The following ATE1 variants were observed in gnomAD, a reference collection of about 807,000 sequenced individuals.
ATE1 encodes arginyl-tRNA--protein transferase 1.
ATE1 carries 36 observed loss-of-function variants against 70.5 expected under a neutral mutation model. The ratio of observed to expected loss-of-function variants is 0.51; its 90% CI spans 0.39 to 0.67. The LOEUF is 0.67. Among genes scored for constraint, ATE1 ranks in the 30% least tolerant of loss-of-function variants. The pLI, the probability that ATE1 is intolerant of heterozygous loss-of-function variation, is 0.00. For missense variants in ATE1, 593 were observed against 629.5 expected (o/e 0.94, Z 0.62); for synonymous variants, 232 against 219.3 (o/e 1.06, Z -0.51).
At chr10:121,770,747 A>C (rs75204251) in intron 11 of ATE1, among the ~76,000 whole-genome samples, 9 of 151,998 alleles carry the variant, frequency 5.9e-5, no homozygotes, top group African/African-American at 2.2e-4. Flanking sequence ...AAAAAAAAAA[A>C]AAAACTCTTA....
rs1946377695 is a variant in ATE1 at position 121,790,160 on chromosome 10, C to T, written c.1378+9G>A. 1 of 1,613,838 alleles carries T rather than the reference C, an allele frequency of 6.2e-7. No homozygotes were observed. Among genetic ancestry groups the T allele is most frequent in the East Asian group, 2.2e-5 (1 of 44,878 alleles). ...AATGATTTCCAGCTGAGCTCAGCTCCAAACATACCTGCTTCTGGGTCCTGG... is the reference window on the plus strand; with the variant it reads ...AATGATTTCCAGCTGAGCTCAGCTCTAAACATACCTGCTTCTGGGTCCTGG... On this transcript the variant is annotated intron_variant, in intron 11 of 11. Transcript: ENST00000224652.
At chr10:121,928,096 G>A, upstream of ATE1, 1 of 1,212,648 alleles carries the variant, frequency 8.2e-7, no homozygotes, top group Non-Finnish European at 1.0e-6. Context: ...CCGGCCCGGC[G>A]CCTCTTGGAG....
chr10:121,916,645 C>A (rs1294171853), intron 3 of ATE1, among the ~76,000 whole-genome samples: 1 of 152,000 alleles, frequency 6.6e-6, no homozygotes, highest in East Asian at 1.9e-4. Context: ...ACCATCCTGG[C>A]TAACACGGTG....
At chr10:121,832,808 G>A (rs1444678622) in intron 10 of ATE1, among the ~76,000 whole-genome samples, 7 of 152,158 alleles carry the variant, frequency 4.6e-5, no homozygotes, top group African/African-American at 2.4e-5. Context: ...ACAAGTGTCC[G>A]CAATTCTGGG....
chr10:121,875,280 C>T (rs1950007513), intron 7 of ATE1, among the ~76,000 whole-genome samples: 1 of 147,258 alleles, frequency 6.8e-6, no homozygotes, highest in African/African-American at 2.5e-5. Context: ...TAATTTGGGC[C>T]TTGAGGGTTT....
chr10:121,863,051 G>C (rs963746355), intron 8 of ATE1, among the ~76,000 whole-genome samples: 1 of 152,106 alleles, frequency 6.6e-6, no homozygotes, highest in South Asian at 2.1e-4. Context: ...CTGTCTAAAT[G>C]TTCTATCAAT....
chr10:121,784,028 G>A (rs1946106106), intron 11 of ATE1, among the ~76,000 whole-genome samples: 1 of 152,170 alleles, frequency 6.6e-6, no homozygotes, highest in African/African-American at 2.4e-5. Context: ...AAAGTGCTGG[G>A]ATCACAGGTG....
chr10:121,884,351 G>A (rs1292346185), intron 7 of ATE1, among the ~76,000 whole-genome samples: 1 of 152,066 alleles, frequency 6.6e-6, no homozygotes, highest in Non-Finnish European at 1.5e-5. Flanking sequence ...AGTAGCTCAT[G>A]CCTGTAATCT....
intron 8 of ATE1, among the ~76,000 whole-genome samples, chr10:121,856,870 G>A (rs1401944204): frequency 6.6e-6 from 1 of 152,078 alleles, no homozygotes; most frequent in Non-Finnish European, 1.5e-5. Flanking sequence ...TATAGGGGTT[G>A]GTTTCTAAAG....
chr10:121,874,763 T>C (rs1949977701), intron 7 of ATE1, among the ~76,000 whole-genome samples: 1 of 152,118 alleles, frequency 6.6e-6, no homozygotes, highest in South Asian at 2.1e-4. Context: ...CCCAGCACTT[T>C]GGGAGGCCAA....
chr10:121,848,012 A>G (rs1266440752), intron 8 of ATE1, among the ~76,000 whole-genome samples: 1 of 152,084 alleles, frequency 6.6e-6, no homozygotes, highest in Non-Finnish European at 1.5e-5. Flanking sequence ...CGGAGGTTGC[A>G]GTGAGCTGAG....
chr10:121,913,399 G>C (rs570537499), intron 4 of ATE1, among the ~76,000 whole-genome samples: 1 of 152,268 alleles, frequency 6.6e-6, no homozygotes, highest in Non-Finnish European at 1.5e-5. Context: ...AGCATTAAAA[G>C]GAATAGGGCA....
At chr10:121,788,983 A>T (rs914747711) in intron 11 of ATE1, among the ~76,000 whole-genome samples, 1 of 152,230 alleles carries the variant, frequency 6.6e-6, no homozygotes, top group Non-Finnish European at 1.5e-5. Context: ...ACAGGGAGGT[A>T]AACAAAACTG....
chr10:121,777,994 G>A (rs1049563453), intron 11 of ATE1, among the ~76,000 whole-genome samples: 1 of 152,132 alleles, frequency 6.6e-6, no homozygotes, highest in African/African-American at 2.4e-5. Context: ...AATAAGATCT[G>A]TAATTTGCAT....
rs192806476 is a variant in ATE1 at position 121,747,930 on chromosome 10, A to G, written c.1379-4072T>C. ...TTAATGTGTGCACATTGCAACATGA[A>G]TAACAATCTCCACCATCTAAATGTG... On this transcript the variant is annotated intron_variant, in intron 11 of 11. Coordinates refer to ENST00000224652, the MANE Select transcript of ATE1 (RefSeq NM_001001976.3). Among the ~76,000 whole-genome samples, 7 of 152,360 alleles carry G rather than the reference A, an allele frequency of 4.6e-5. No homozygotes were observed. In the East Asian group the frequency reaches 1.2e-3, roughly 25 times the overall value.
intron 3 of ATE1, among the ~76,000 whole-genome samples, chr10:121,919,422 G>T (rs1489310969): frequency 6.6e-6 from 1 of 152,006 alleles, no homozygotes; most frequent in Non-Finnish European, 1.5e-5. Flanking sequence ...TTAGCCAGGT[G>T]TGGTGGTGCA....
At position 121,870,084 on chromosome 10, in the gene ATE1, G is replaced by A. The variant is rs748065102; in HGVS notation, c.943-46C>T. The A allele has an allele frequency of 1.7e-5, 26 of 1,564,304 alleles. No individual in the cohort carries two copies. In the East Asian group the frequency reaches 1.8e-4, roughly 11 times the overall value. ...AATCCATTTCATCCAGTAAACAGAC[G>A]GCAAAAAGGAACACAGAGAAAAAGA... On this transcript the variant is annotated intron_variant, in intron 7 of 11. Transcript: ENST00000224652.
intron 10 of ATE1, among the ~76,000 whole-genome samples, chr10:121,825,754 T>A (rs1166829119): frequency 6.6e-6 from 1 of 152,200 alleles, no homozygotes; most frequent in Non-Finnish European, 1.5e-5. Flanking sequence ...TGGTATGGCC[T>A]TATGGAACAC....
chr10:121,843,119 C>T (rs1948692584), intron 8 of ATE1, among the ~76,000 whole-genome samples: 1 of 152,200 alleles, frequency 6.6e-6, no homozygotes, highest in Middle Eastern at 3.4e-3. Context: ...TAAGCAATTA[C>T]AGCAAGGTCC....
Sources: allele counts gnomAD v4.1 joint callset (sites outside exome capture counted in the v4.1 genomes callset), GRCh38; gene constraint gnomAD v4.1.1; transcripts MANE v1.5; gene names NCBI Gene and HGNC (gene_info 2026-07-23, HGNC 2026-07-21).